The following TIGD3 variants were observed in gnomAD, a reference collection of about 807,000 sequenced individuals.
TIGD3 encodes the protein tigger transposable element derived 3.
Under a neutral mutation model 14.8 loss-of-function variants are expected in TIGD3, and 7 were observed. The observed-to-expected ratio is 0.47, with a 90% CI of 0.27 to 0.89. TIGD3 has a LOEUF of 0.89. Ranked by LOEUF, TIGD3 falls within the 40% of genes least tolerant of loss-of-function variation. TIGD3 has a pLI of 0.13. For synonymous variants in TIGD3, 243 were observed against 269.4 expected (o/e 0.90, Z 0.96); for missense variants, 581 against 611.0 (o/e 0.95, Z 0.52).
intron 1 of TIGD3, among the ~76,000 whole-genome samples, chr11:65,355,205 G>C (rs2137724057): frequency 6.6e-6 from 1 of 151,964 alleles, no homozygotes; most frequent in South Asian, 2.1e-4. Flanking sequence ...CTGCGCCCTC[G>C]GCCCTGCCCT....
Position 65,354,786 on chromosome 11 carries a change from C to G in TIGD3, c.-188C>G, listed in dbSNP as rs1452410898. 2 of 150,054 alleles carry G rather than the reference C, an allele frequency of 1.3e-5. No individual in the cohort carries two copies. Among genetic ancestry groups the G allele is most frequent in the African/African-American group, 4.9e-5 (2 of 40,904 alleles). 9.3% of individuals were successfully genotyped at this position (150,054 alleles called of 1,614,324 possible). On this transcript the variant is annotated 5_prime_UTR_variant, in exon 1 of 2. Coordinates refer to ENST00000309880, the MANE Select transcript of TIGD3 (RefSeq NM_145719.3). ...GAGAGCCCGGCGCGGGCGGCGCGCA[C>G]GGGACTCTGCTGTGCGCGCGCCCGC... is the stretch of plus-strand genomic sequence containing the variant.
Position 65,355,826 on chromosome 11 carries a change from G to C in TIGD3, c.18G>C (p.Lys6Asn), listed in dbSNP as rs1001607208. The C allele has an allele frequency of 3.1e-6, 5 of 1,612,662 alleles. No homozygotes were observed. The highest frequency in any genetic ancestry group is 1.3e-5 in the African/African-American group (1 of 74,996). ...GAGAGGCCATGGAGCTGAGCAGCAA[G>C]AAGAAGCTTCACGCCCTGTCCCTGG... MELSS[K>N]KKLHALSLAE... is the part of the protein sequence containing the mutation. The change falls in exon 2 of 2, where the codon AAG becomes AAC. Residue 6 changes from lysine to asparagine, a missense_variant. Coordinates refer to ENST00000309880, the MANE Select transcript of TIGD3 (RefSeq NM_145719.3).
chr11:65,357,256 C>T lies in TIGD3; in HGVS notation c.*32C>T, dbSNP rs745949326. 1.9e-5 allele frequency: 31 copies of T among 1,600,008 alleles called. No homozygotes were observed. Among genetic ancestry groups the T allele is most frequent in the East Asian group, 4.5e-5 (2 of 44,722 alleles). On this transcript the variant is annotated 3_prime_UTR_variant, in exon 2 of 2. Transcript: ENST00000309880. ...CTTCACTGCTTGCCAGAGCCCCTTC[C>T]TCTCTTGTTTCCCATGGAAACGGCC...
At position 65,356,063 on chromosome 11, in the gene TIGD3, C is replaced by CT. The variant is rs1405130119; in HGVS notation, c.256dup (p.Trp86LeufsTer63). The stretch of plus-strand genomic sequence containing the variant: ...GCGGGATCGACGAGGCTCTGCTCTG[C>CT]TGGTACCACATTGCCCGGGCCAAGG... On this transcript the variant is annotated frameshift_variant, in exon 2 of 2. Transcript: ENST00000309880. LOFTEE classifies it high-confidence loss of function. The surrounding 1 kb of genome is among the most constrained non-coding windows in gnomAD (Gnocchi z 5.2). 2.5e-6 allele frequency: 4 copies of CT among 1,612,250 alleles called. No individual in the cohort carries two copies. The highest frequency in any genetic ancestry group is 1.7e-5 in the Admixed American group (1 of 60,010).
At position 65,357,006 on chromosome 11, in the gene TIGD3, G is replaced by A. The variant is rs1590615255; in HGVS notation, c.1198G>A (p.Gly400Ser). The change falls in exon 2 of 2, where the codon GGT (glycine) becomes AGT (serine). Residue 400 changes from glycine to serine, a missense_variant. Transcript: ENST00000309880. ...GTTTTCCCGCTTTGTGGACCTGGAG[G>A]GTGAGGAGCCAAGGTCTGGAGTATG... ...EEFSRFVDLE[G>S]EEPRSGVCKE... 6.2e-7 allele frequency: 1 copy of A among 1,614,156 alleles called. No individual in the cohort carries two copies. Among genetic ancestry groups the A allele is most frequent in the Non-Finnish European group, 8.5e-7 (1 of 1,180,038 alleles).
rs372376380 is a variant in TIGD3 at position 65,356,160 on chromosome 11, G to C, written c.352G>C (p.Val118Leu). 4.5e-5 allele frequency: 72 copies of C among 1,612,158 alleles called. No homozygotes were observed. Among genetic ancestry groups the C allele is most frequent in the Non-Finnish European group, 5.8e-5 (68 of 1,180,030 alleles). Residue 118 changes from valine (V) to leucine (L), a missense_variant, in exon 2 of 2, where the codon GTG becomes CTG. Coordinates refer to ENST00000309880, the MANE Select transcript of TIGD3 (RefSeq NM_145719.3). This position sits in a 1 kb window ranked among gnomAD's most constrained non-coding sequence, Gnocchi z 5.2. ...ELADIMGQDFVPSIGWLVRWK... is the reference protein window; with the variant it reads ...ELADIMGQDFLPSIGWLVRWK... ...GGCCGATATCATGGGCCAGGACTTC[G>C]TGCCCAGCATCGGCTGGCTGGTCCG... is the stretch of plus-strand genomic sequence containing the variant.
Position 65,356,401 on chromosome 11 carries a change from T to C in TIGD3, c.593T>C (p.Leu198Pro). ...SFGACDQVQV[L>P]LCANSRGTEK... is the part of the protein sequence containing the mutation. ...GGTGCATGTGATCAAGTACAGGTGCTGCTGTGTGCCAACAGCAGGGGCACC... is the reference window on the plus strand; with the variant it reads ...GGTGCATGTGATCAAGTACAGGTGCCGCTGTGTGCCAACAGCAGGGGCACC... Residue 198 changes from leucine (L) to proline (P), a missense_variant, in exon 2 of 2, where the codon CTG becomes CCG. Transcript: ENST00000309880. This position sits in a 1 kb window ranked among gnomAD's most constrained non-coding sequence, Gnocchi z 5.2. 3.7e-6 allele frequency: 6 copies of C among 1,610,772 alleles called. No individual in the cohort carries two copies. Among genetic ancestry groups the C allele is most frequent in the Non-Finnish European group, 5.1e-6 (6 of 1,180,012 alleles).
rs1194427339 is a variant in TIGD3 at position 65,357,239 on chromosome 11, C to CT, written c.*17dup. The CT allele has an allele frequency of 5.0e-6, 8 of 1,610,398 alleles. No homozygotes were observed. The highest frequency in any genetic ancestry group is 6.8e-6 in the Non-Finnish European group (8 of 1,177,586). On this transcript the variant is annotated 3_prime_UTR_variant, in exon 2 of 2. Coordinates refer to ENST00000309880, the MANE Select transcript of TIGD3 (RefSeq NM_145719.3). ...GCTGCCTATGAAGGCGCCTTCACTG[C>CT]TTGCCAGAGCCCCTTCCTCTCTTGT...
chr11:65,355,295 CCT>C (rs1328450646), intron 1 of TIGD3, among the ~76,000 whole-genome samples: 1 of 152,092 alleles, frequency 6.6e-6, no homozygotes, highest in Non-Finnish European at 1.5e-5. Flanking sequence ...CTTCAGACAC[CCT>C]CTGTCCCCTT....
At position 65,356,902 on chromosome 11, in the gene TIGD3, T is replaced by C. The variant is rs745598414; in HGVS notation, c.1094T>C (p.Leu365Pro). Residue 365 changes from leucine to proline, a missense_variant, in exon 2 of 2, where the codon CTG becomes CCG. Coordinates refer to ENST00000309880, the MANE Select transcript of TIGD3 (RefSeq NM_145719.3). The surrounding 1 kb of genome is among the most constrained non-coding windows in gnomAD (Gnocchi z 5.2). The stretch of plus-strand genomic sequence containing the variant: ...TTCAGCAGCTTCATTCAAGAAGGGC[T>C]GGCTCCCGGCAAAACGCCCCCGTCC... ...LIFSSFIQEG[L>P]APGKTPPSSH... 1.9e-6 allele frequency: 3 copies of C among 1,613,990 alleles called. No individual in the cohort carries two copies. Among genetic ancestry groups the C allele is most frequent in the East Asian group, 2.2e-5 (1 of 44,888 alleles).
chr11:65,357,292 G>A lies in TIGD3; in HGVS notation c.*68G>A. ...CCCATGGAAACGGCCTCTTCAGAAG[G>A]CAGATCGGGCTGTCTCTTTCCTGTG... On this transcript the variant is annotated 3_prime_UTR_variant, in exon 2 of 2. Coordinates refer to ENST00000309880, the MANE Select transcript of TIGD3 (RefSeq NM_145719.3). The A allele has an allele frequency of 7.1e-7, 1 of 1,416,704 alleles. No individual in the cohort carries two copies. The highest frequency in any genetic ancestry group is 2.0e-5 in the Admixed American group (1 of 49,294). 87.8% of individuals were successfully genotyped at this position (1,416,704 alleles called of 1,614,324 possible). A position where few individuals can be genotyped will look rare whatever the true frequency, so the allele number is the denominator to read the frequency against.
chr11:65,355,980 G>T lies in TIGD3; in HGVS notation c.172G>T (p.Asp58Tyr), dbSNP rs745340625. 6.2e-7 allele frequency: 1 copy of T among 1,613,852 alleles called. No individual in the cohort carries two copies. The highest frequency in any genetic ancestry group is 8.5e-7 in the Non-Finnish European group (1 of 1,180,046). The change falls in exon 2 of 2, where the codon GAC becomes TAC. Residue 58 changes from aspartate (D) to tyrosine (Y), a missense_variant. Coordinates refer to ENST00000309880, the MANE Select transcript of TIGD3 (RefSeq NM_145719.3). Reference sequence around the variant, plus strand: ...CAAGAATAAGGAGAAGCTGCTGGCGGACTGGTGCAGCGGCACAGCCAACCG... The same window carrying T: ...CAAGAATAAGGAGAAGCTGCTGGCGTACTGGTGCAGCGGCACAGCCAACCG... ...ICKNKEKLLA[D>Y]WCSGTANRER...
At position 65,356,796 on chromosome 11, in the gene TIGD3, G is replaced by A; in HGVS notation, c.988G>A (p.Glu330Lys). 2.5e-6 allele frequency: 4 copies of A among 1,612,818 alleles called. No individual in the cohort carries two copies. In the South Asian group the frequency reaches 3.3e-5, roughly 13 times the overall value. The change falls in exon 2 of 2, where the codon GAG becomes AAG. Residue 330 changes from glutamate to lysine, a missense_variant. Physicochemically the swap from Glu to Lys is moderately conservative, Grantham distance 56. Transcript: ENST00000309880. The surrounding 1 kb of genome is among the most constrained non-coding windows in gnomAD (Gnocchi z 5.2). ...CGAGAGGGATGGCACCTCGCTGGCCGAGGCCGGGGCAGGCATCACCGTGCT... is the reference window on the plus strand; with the variant it reads ...CGAGAGGGATGGCACCTCGCTGGCCAAGGCCGGGGCAGGCATCACCGTGCT... ...QSERDGTSLA[E>K]AGAGITVLDA...
At position 65,354,800 on chromosome 11, in the gene TIGD3, G is replaced by GCGCGCGCC. The variant is rs1266606513; in HGVS notation, c.-170_-163dup. ...GGCGGCGCGCACGGGACTCTGCTGT[G>GCGCGCGCC]CGCGCGCCCGCCCGCCCGCCGTCCG... On this transcript the variant is annotated 5_prime_UTR_variant, in exon 1 of 2. Coordinates refer to ENST00000309880, the MANE Select transcript of TIGD3 (RefSeq NM_145719.3). 6.6e-6 allele frequency: 1 copy of GCGCGCGCC among 150,746 alleles called. No individual in the cohort carries two copies. The highest frequency in any genetic ancestry group is 1.5e-5 in the Non-Finnish European group (1 of 67,596). 9.3% of individuals were successfully genotyped at this position (150,746 alleles called of 1,614,324 possible).
At position 65,357,400 on chromosome 11, in the gene TIGD3, C is replaced by T. The variant is rs555035157; in HGVS notation, c.*176C>T. 1.6e-6 allele frequency: 1 copy of T among 633,454 alleles called. No individual in the cohort carries two copies. The highest frequency in any genetic ancestry group is 2.9e-5 in the East Asian group (1 of 34,894). 39.2% of individuals were successfully genotyped at this position (633,454 alleles called of 1,614,324 possible). A position where few individuals can be genotyped will look rare whatever the true frequency, so the allele number is the denominator to read the frequency against. On this transcript the variant is annotated 3_prime_UTR_variant, in exon 2 of 2. Coordinates refer to ENST00000309880, the MANE Select transcript of TIGD3 (RefSeq NM_145719.3). ...CTTGGAGTGGCAGTCGTCCAAACCC[C>T]AGGAAGAGAGCTCTAAAGATGGGGC...
chr11:65,355,375 A>G (rs1284088943), intron 1 of TIGD3, among the ~76,000 whole-genome samples: 10 of 63,060 alleles, frequency 1.6e-4, no homozygotes, highest in Non-Finnish European at 2.0e-4. Flanking sequence ...CAGCGGCGTC[A>G]TCTGAATCCA....
Position 65,357,230 on chromosome 11 carries a change from C to A in TIGD3, c.*6C>A, listed in dbSNP as rs530278171. ...AGCGGCTTTGCTGCCTATGAAGGCG[C>A]CTTCACTGCTTGCCAGAGCCCCTTC... On this transcript the variant is annotated 3_prime_UTR_variant, in exon 2 of 2. Transcript: ENST00000309880. 111 of 1,613,370 alleles carry A rather than the reference C, an allele frequency of 6.9e-5. No individual in the cohort carries two copies. In the South Asian group the frequency reaches 1.2e-3, roughly 17 times the overall value.
chr11:65,357,332 G>A lies in TIGD3; in HGVS notation c.*108G>A, dbSNP rs566074831. The A allele has an allele frequency of 1.5e-4, 157 of 1,079,994 alleles. No homozygotes were observed. The East Asian group carries it at 2.6e-3, about 18-fold the overall frequency. 66.9% of individuals were successfully genotyped at this position (1,079,994 alleles called of 1,614,324 possible). ...TCTTTCCTGTGGAAATAGAACTGTC[G>A]TAAAGGTGTAGAAGGGAGAGAAGTT... On this transcript the variant is annotated 3_prime_UTR_variant, in exon 2 of 2. Transcript: ENST00000309880.
chr11:65,357,269 C>T lies in TIGD3; in HGVS notation c.*45C>T, dbSNP rs1192739520. On this transcript the variant is annotated 3_prime_UTR_variant, in exon 2 of 2. Transcript: ENST00000309880. ...CAGAGCCCCTTCCTCTCTTGTTTCC[C>T]ATGGAAACGGCCTCTTCAGAAGGCA... 1 of 1,565,672 alleles carries T rather than the reference C, an allele frequency of 6.4e-7. No individual in the cohort carries two copies. The highest frequency in any genetic ancestry group is 2.3e-5 in the East Asian group (1 of 44,266).
Sources: gnomAD v4.1 joint callset for allele counts (sites outside exome capture counted in the v4.1 genomes callset) on GRCh38, gnomAD v4.1.1 for gene constraint, Gnocchi (gnomAD v3.1) non-coding constraint, MANE v1.5 for transcripts, NCBI Gene and HGNC (gene_info 2026-07-23, HGNC 2026-07-21) for gene names.